S100A8: variants seen among roughly 807,000 people sequenced by gnomAD.
The protein encoded by S100A8 is protein S100-A8.
A neutral mutation model predicts 4.2 loss-of-function variants in S100A8; 1 was observed. The observed-to-expected ratio is 0.24, with a 90% CI of 0.08 to 1.12. S100A8 has a LOEUF of 1.12. S100A8 is among the 50% of genes most tolerant of loss of function. The probability of loss-of-function intolerance (pLI) is 0.53; values close to 1 mark genes in which losing one functional copy is unlikely to be tolerated. For synonymous variants in S100A8, 41 were observed against 44.7 expected, an observed-to-expected ratio of 0.92 and a Z score of 0.33; for missense variants, 96 against 111.8, an observed-to-expected ratio of 0.86 and a Z score of 0.64.
upstream of S100A8, among the ~76,000 whole-genome samples, chr1:153,393,443 T>C (rs766528568): frequency 5.3e-5 from 8 of 152,232 alleles, no homozygotes; most frequent in Admixed American, 1.3e-4. Flanking sequence ...GTTCAATTAA[T>C]ACTTATTGAG....
At chr1:153,399,748 G>T in the S100A8 span, among the ~76,000 whole-genome samples, 71 of 152,164 alleles carry the variant, frequency 4.7e-4, 1 homozygote, top group Non-Finnish European at 1.8e-4. Flanking sequence ...TTCCACCTGG[G>T]GAGTTGGGGG....
chr1:153,400,764 C>A, the S100A8 span, among the ~76,000 whole-genome samples: 1 of 152,214 alleles, frequency 6.6e-6, no homozygotes, highest in African/African-American at 2.4e-5. Context: ...GCCATCATTA[C>A]CCTGGCAATT....
chr1:153,414,811 C>A, the S100A8 span, among the ~76,000 whole-genome samples: 5 of 152,236 alleles, frequency 3.3e-5, no homozygotes, highest in Non-Finnish European at 5.9e-5. Flanking sequence ...AACCTGCATA[C>A]ACATGTATAT....
chr1:153,418,537 G>A, the S100A8 span, among the ~76,000 whole-genome samples: 1 of 152,068 alleles, frequency 6.6e-6, no homozygotes, highest in African/African-American at 2.4e-5. Flanking sequence ...ACATGCTCAG[G>A]TCCTGCTTCC....
At chr1:153,409,044 T>G in the S100A8 span, among the ~76,000 whole-genome samples, 8 of 152,210 alleles carry the variant, frequency 5.3e-5, no homozygotes, top group Non-Finnish European at 1.0e-4. Flanking sequence ...TAAAGACCAT[T>G]GATGCTAGGA....
At chr1:153,418,301 C>A in the S100A8 span, 1 of 1,576,050 alleles carries the variant, frequency 6.3e-7, no homozygotes, top group East Asian at 2.2e-5. Context: ...TGGCCTTGGA[C>A]AGGTCACCCT....
At chr1:153,419,657 G>A in the S100A8 span, 2 of 289,012 alleles carry the variant, frequency 6.9e-6, no homozygotes, top group East Asian at 6.7e-5. Flanking sequence ...CCTTGTCAAG[G>A]CATGGACCAG....
chr1:153,391,071 C>T lies in S100A8; in HGVS notation c.-53G>A. On this transcript the variant is annotated 5_prime_UTR_variant, in exon 1 of 3. An upstream start codon of the reference 5' UTR is lost. Coordinates refer to ENST00000368733, the MANE Select transcript of S100A8 (RefSeq NM_002964.5). ...CTTCTGAAAGACAGCTGACAAGAGA[C>T]ATGCAGGGCTGAGAGGCAGCTCCTT... 1 of 986,408 alleles carries T rather than the reference C, an allele frequency of 1.0e-6. No homozygotes were observed. The highest frequency in any genetic ancestry group is 1.2e-6 in the Non-Finnish European group (1 of 830,396). 61.1% of individuals were successfully genotyped at this position (986,408 alleles called of 1,614,324 possible).
At chr1:153,413,562 A>G in the S100A8 span, among the ~76,000 whole-genome samples, 1 of 152,152 alleles carries the variant, frequency 6.6e-6, no homozygotes, top group African/African-American at 2.4e-5. Flanking sequence ...AATTTATTTC[A>G]ATGTTTGCTT....
At chr1:153,402,229 C>T in the S100A8 span, among the ~76,000 whole-genome samples, 9 of 152,278 alleles carry the variant, frequency 5.9e-5, 1 homozygote, top group Non-Finnish European at 1.0e-4. Context: ...TTTACATCCA[C>T]CCATTCATCT....
the S100A8 span, among the ~76,000 whole-genome samples, chr1:153,406,217 T>G: frequency 6.6e-6 from 1 of 152,208 alleles, no homozygotes; most frequent in Admixed American, 6.5e-5. Flanking sequence ...ACTTGCTAGT[T>G]TGGCCAATGT....
chr1:153,390,880 C>T, intron 1 of S100A8, 161 bp downstream of exon 1: 1 of 454,746 alleles, frequency 2.2e-6, no homozygotes, highest in Non-Finnish European at 3.1e-6. Context: ...CTGGAGGATA[C>T]TCTCCTTCCT....
At chr1:153,405,060 T>C in the S100A8 span, among the ~76,000 whole-genome samples, 2 of 151,836 alleles carry the variant, frequency 1.3e-5, no homozygotes, top group Non-Finnish European at 2.9e-5. Context: ...ACAGTCCTCC[T>C]TGGCCAAGGA....
upstream of S100A8, chr1:153,391,270 GC>G: frequency 5.4e-6 from 5 of 917,696 alleles, no homozygotes; most frequent in Non-Finnish European, 6.5e-6. Context: ...GAAGGCATTT[GC>G]TGGGCAATAG....
chr1:153,402,381 G>T, the S100A8 span, among the ~76,000 whole-genome samples: 1 of 152,144 alleles, frequency 6.6e-6, no homozygotes, highest in Non-Finnish European at 1.5e-5. Context: ...ACATTACCTT[G>T]TCCCCGAATA....
rs997195945 is a variant in S100A8 at position 153,390,106 on chromosome 1, C to T, written c.279G>A (p.Glu93=). 1.2e-6 allele frequency: 2 copies of T among 1,612,644 alleles called. No individual in the cohort carries two copies. The highest frequency in any genetic ancestry group is 1.1e-5 in the South Asian group (1 of 90,980). ...GCCTCTGGGCCCAGTAACTCAGCTACTCTTTGTGGCTTTCTTCATGGCTTT... is the reference window on the plus strand; with the variant it reads ...GCCTCTGGGCCCAGTAACTCAGCTATTCTTTGTGGCTTTCTTCATGGCTTT... The part of the protein sequence containing the change: ...HKKSHEESHK[E] The change falls in exon 3 of 3, where the codon GAG becomes GAA. Residue 93 remains glutamate, a synonymous_variant. Transcript: ENST00000368733.
the S100A8 span, among the ~76,000 whole-genome samples, chr1:153,413,715 A>C: frequency 6.6e-6 from 1 of 152,162 alleles, no homozygotes. Context: ...AGCCCGGCCA[A>C]CATGATGAAA....
At chr1:153,406,076 T>C in the S100A8 span, among the ~76,000 whole-genome samples, 6 of 152,248 alleles carry the variant, frequency 3.9e-5, no homozygotes, top group Middle Eastern at 3.4e-3. Flanking sequence ...CCGTGGCTCC[T>C]GGAAGTGCTC....
At chr1:153,418,130 G>A in the S100A8 span, 2 of 1,614,028 alleles carry the variant, frequency 1.2e-6, no homozygotes, top group Non-Finnish European at 1.7e-6. Context: ...TGATCGACAT[G>A]TTTCACAAAT....
Sources: gnomAD v4.1 joint callset for allele counts (sites outside exome capture counted in the v4.1 genomes callset) on GRCh38, gnomAD v4.1.1 for gene constraint, MANE v1.5 for transcripts, NCBI Gene and HGNC (gene_info 2026-07-23, HGNC 2026-07-21) for gene names.